The following KIF21A variants were observed in gnomAD, a reference collection of about 807,000 sequenced individuals.
KIF21A encodes kinesin family member 21A.
KIF21A carries 114 observed loss-of-function variants against 202.9 expected under a neutral mutation model. That is an observed-to-expected ratio of 0.56 (90% CI 0.48 to 0.66). KIF21A has a LOEUF of 0.66. KIF21A is among the 30% of genes least tolerant of loss of function. The probability of loss-of-function intolerance (pLI) is 0.00; values close to 1 mark genes in which losing one functional copy is unlikely to be tolerated. For synonymous variants in KIF21A, 667 were observed against 670.8 expected, an observed-to-expected ratio of 0.99 and a Z score of 0.09; for missense variants, 1,677 against 1,994.9, an observed-to-expected ratio of 0.84 and a Z score of 3.04.
chr12:39,438,601 T>A (rs547334459), intron 1 of KIF21A, among the ~76,000 whole-genome samples: 33 of 152,264 alleles, frequency 2.2e-4, no homozygotes, highest in Non-Finnish European at 4.3e-4. Context: ...AACTGAAACA[T>A]AAATTAGACC....
chr12:39,387,161 TACACACAC>T (rs3036323), intron 1 of KIF21A, among the ~76,000 whole-genome samples: 1,718 of 138,230 alleles, frequency 0.012, 38 homozygotes, highest in African/African-American at 0.038. Flanking sequence ...ATGCAGTAGT[TACACACAC>T]ACACACACAC....
At chr12:39,335,887 C>A (rs1251211741) in intron 17 of KIF21A, among the ~76,000 whole-genome samples, 3 of 152,132 alleles carry the variant, frequency 2.0e-5, no homozygotes, top group African/African-American at 7.2e-5. Context: ...GTCATCTGGA[C>A]AAAATATCCG....
At position 39,332,644 on chromosome 12, in the gene KIF21A, T is replaced by C. The variant is rs763933896; in HGVS notation, c.2803A>G (p.Met935Val). Residue 935 changes from methionine to valine, a missense_variant, in exon 20 of 38, where the codon ATG becomes GTG. This residue lies in a region of KIF21A where 966 missense variants were observed against 1,180.9 expected (regional missense o/e 0.82). Coordinates refer to ENST00000361418, the MANE Select transcript of KIF21A (RefSeq NM_001173464.2). The stretch of plus-strand genomic sequence containing the variant: ...ATGTTGGAAATGGTCATCTTCTGCA[T>C]GATGATGTCTGTGACCCTGCGCTCA... Reference protein sequence around the residue: ...LLERRVTDIIMQKMTISNMEA... With the variant: ...LLERRVTDIIVQKMTISNMEA... 6.8e-6 allele frequency: 11 copies of C among 1,613,804 alleles called. No individual in the cohort carries two copies. The Admixed American group carries it at 1.2e-4, about 17-fold the overall frequency.
chr12:39,334,954 T>G (rs1335216114), intron 17 of KIF21A, among the ~76,000 whole-genome samples: 5 of 152,138 alleles, frequency 3.3e-5, no homozygotes, highest in African/African-American at 1.2e-4. Context: ...TTCCCGTTGT[T>G]CAAAGGTTTT....
chr12:39,436,168 A>G (rs1938651137), intron 1 of KIF21A, among the ~76,000 whole-genome samples: 1 of 151,956 alleles, frequency 6.6e-6, no homozygotes, highest in Non-Finnish European at 1.5e-5. Flanking sequence ...TTAAGGGATT[A>G]AAATTGTAGG....
chr12:39,332,650 T>A lies in KIF21A; in HGVS notation c.2797A>T (p.Ile933Phe). The A allele has an allele frequency of 6.2e-7, 1 of 1,614,114 alleles. No homozygotes were observed. Among genetic ancestry groups the A allele is most frequent in the Non-Finnish European group, 8.5e-7 (1 of 1,179,994 alleles). ...GAAATGGTCATCTTCTGCATGATGA[T>A]GTCTGTGACCCTGCGCTCAAGGAGC... ...WQLLERRVTD[I>F]IMQKMTISNM... The change falls in exon 20 of 38, where the codon ATC becomes TTC. Residue 933 changes from isoleucine (I) to phenylalanine (F), a missense_variant. Coordinates refer to ENST00000361418, the MANE Select transcript of KIF21A (RefSeq NM_001173464.2).
Position 39,332,678 on chromosome 12 carries a change from C to A in KIF21A, c.2769G>T (p.Trp923Cys). 1 of 1,613,996 alleles carries A rather than the reference C, an allele frequency of 6.2e-7. No individual in the cohort carries two copies. The highest frequency in any genetic ancestry group is 1.1e-5 in the South Asian group (1 of 91,080). ...VFISKTARMK[W>C]QLLERRVTDI... ...CTGTGACCCTGCGCTCAAGGAGCTG[C>A]CACTTCATGCGAGCTGTCTTGGAAA... is the stretch of plus-strand genomic sequence containing the variant. The change falls in exon 20 of 38, where the codon TGG (tryptophan) becomes TGT (cysteine). Residue 923 changes from tryptophan (W) to cysteine (C), a missense_variant. By Grantham distance (215) the Trp-to-Cys change is radical. This residue lies in a region of KIF21A where 966 missense variants were observed against 1,180.9 expected (regional missense o/e 0.82). Coordinates refer to ENST00000361418, the MANE Select transcript of KIF21A (RefSeq NM_001173464.2).
chr12:39,335,409 TCAAAAAAAAAAAAAAA>T (rs1000316589), intron 17 of KIF21A, among the ~76,000 whole-genome samples: 12 of 80,408 alleles, frequency 1.5e-4, no homozygotes, highest in Non-Finnish European at 2.6e-4. Context: ...AGACTCTGTC[TCAAAAAAAAAAAAAAA>T]AAAAAAAATC....
chr12:39,441,770 TA>T (rs1939677380), intron 1 of KIF21A, among the ~76,000 whole-genome samples: 1 of 151,276 alleles, frequency 6.6e-6, no homozygotes, highest in African/African-American at 2.4e-5. Flanking sequence ...GATGTGTCAC[TA>T]AAATAGTAAC....
Position 39,351,842 on chromosome 12 carries a change from T to A in KIF21A, c.1608A>T (p.Glu536Asp). ...TILSSDKETI[E>D]IIDLAKKDLE... is the part of the protein sequence containing the mutation. ...AATCTTTTTTTGCTAGGTCTATAAT[T>A]TCAATGGTTTCTTTGTCTGAGGATA... Residue 536 changes from glutamate (E) to aspartate (D), a missense_variant, in exon 11 of 38, where the codon GAA becomes GAT. By Grantham distance (45) the Glu-to-Asp change is conservative. Transcript: ENST00000361418. 6.2e-7 allele frequency: 1 copy of A among 1,608,064 alleles called. No homozygotes were observed. Among genetic ancestry groups the A allele is most frequent in the African/African-American group, 1.3e-5 (1 of 74,864 alleles).
intron 24 of KIF21A, 42 bp from the exon 25 acceptor site, chr12:39,326,366 A>AC: frequency 7.1e-7 from 1 of 1,409,454 alleles, no homozygotes; most frequent in Non-Finnish European, 1.0e-6. Flanking sequence ...TCCCCATGTC[A>AC]CAGTTTGAAT....
At chr12:39,366,603 A>G (rs1262857119) in intron 5 of KIF21A, 86 bp from the exon 6 acceptor site, 14 of 916,376 alleles carry the variant, frequency 1.5e-5, no homozygotes, top group Non-Finnish European at 2.4e-5. Context: ...TCCCATGTAC[A>G]CATATAGGCA....
At chr12:39,343,400 T>C (rs552952245) in intron 12 of KIF21A, among the ~76,000 whole-genome samples, 2 of 150,730 alleles carry the variant, frequency 1.3e-5, no homozygotes, top group Non-Finnish European at 2.9e-5. Context: ...ATTTAAAAAA[T>C]AAATAAATAG....
At chr12:39,305,996 C>T (rs1943438355) in intron 34 of KIF21A, among the ~76,000 whole-genome samples, 1 of 152,072 alleles carries the variant, frequency 6.6e-6, no homozygotes, top group Admixed American at 6.5e-5. Context: ...ATAAGTGGTC[C>T]ATTTCATCAA....
chr12:39,324,942 T>G (rs1945700554), intron 26 of KIF21A, among the ~76,000 whole-genome samples: 2 of 152,208 alleles, frequency 1.3e-5, no homozygotes, highest in Admixed American at 6.5e-5. Context: ...GTATGATTGT[T>G]AGTCAAATCA....
chr12:39,408,207 G>A (rs773658300), intron 1 of KIF21A, among the ~76,000 whole-genome samples: 13 of 151,998 alleles, frequency 8.6e-5, no homozygotes, highest in Non-Finnish European at 1.8e-4. Context: ...GGGTGGAGGG[G>A]GATGATGGTT....
At chr12:39,414,506 G>A (rs139934346) in intron 1 of KIF21A, among the ~76,000 whole-genome samples, 272 of 152,296 alleles carry the variant, frequency 1.8e-3, no homozygotes, top group African/African-American at 6.3e-3. Context: ...ATCTCATCCA[G>A]TTAAACGTAA....
intron 12 of KIF21A, 93 bp from the exon 13 acceptor site, chr12:39,342,217 G>T: frequency 2.3e-6 from 2 of 887,482 alleles, no homozygotes; most frequent in Non-Finnish European, 3.7e-6. Flanking sequence ...TCAATGATTT[G>T]TGAAAACAAA....
chr12:39,299,887 G>A (rs1489402449), intron 37 of KIF21A, among the ~76,000 whole-genome samples: 1 of 152,082 alleles, frequency 6.6e-6, no homozygotes, highest in Non-Finnish European at 1.5e-5. Flanking sequence ...ACTTATAAAT[G>A]GGAGCTAAAT....
Sources: allele counts gnomAD v4.1 joint callset (sites outside exome capture counted in the v4.1 genomes callset), GRCh38; gene constraint gnomAD v4.1.1; regional missense constraint gnomAD v4.1.1; transcripts MANE v1.5; gene names NCBI Gene and HGNC (gene_info 2026-07-23, HGNC 2026-07-21).